The following KATNIP variants were observed in gnomAD, a reference collection of about 807,000 sequenced individuals.
KATNIP encodes katanin interacting protein.
In KATNIP, 126 loss-of-function variants were observed where a neutral mutation model predicts 174.0. The observed-to-expected ratio is 0.72, with a 90% CI of 0.63 to 0.84. The LOEUF (loss-of-function observed/expected upper bound fraction) is 0.84. KATNIP is among the 40% of genes least tolerant of loss of function. The pLI is 0.00. For missense variants in KATNIP, 1,958 were observed against 2,109.7 expected, an observed-to-expected ratio of 0.93 and a Z score of 1.41; for synonymous variants, 810 against 835.7, an observed-to-expected ratio of 0.97 and a Z score of 0.53.
At chr16:27,752,505 A>C (rs2081558503) in intron 17 of KATNIP, among the ~76,000 whole-genome samples, 1 of 152,226 alleles carries the variant, frequency 6.6e-6, no homozygotes, top group Non-Finnish European at 1.5e-5. Flanking sequence ...GTAGAACTTG[A>C]ATGCGTGATT....
intron 24 of KATNIP, among the ~76,000 whole-genome samples, chr16:27,775,486 C>T (rs1018419387): frequency 6.6e-6 from 1 of 152,242 alleles, no homozygotes; most frequent in Non-Finnish European, 1.5e-5. Flanking sequence ...CCCCTTCCTA[C>T]ATCACCAGGT....
chr16:27,605,903 G>T (rs190259162), intron 2 of KATNIP, among the ~76,000 whole-genome samples: 1 of 152,280 alleles, frequency 6.6e-6, no homozygotes, highest in East Asian at 1.9e-4. Flanking sequence ...GCCAAGGAGG[G>T]TGGATCACTT....
chr16:27,618,549 A>T, intron 3 of KATNIP, 48 bp downstream of exon 3: 1 of 1,356,440 alleles, frequency 7.4e-7, no homozygotes, highest in Non-Finnish European at 1.1e-6. Context: ...CGAAGTAAAA[A>T]TCTATTTAGA....
intron 15 of KATNIP, among the ~76,000 whole-genome samples, chr16:27,741,307 C>T (rs2081099622): frequency 1.3e-5 from 2 of 152,076 alleles, no homozygotes; most frequent in Admixed American, 1.3e-4. Flanking sequence ...GGTACAGTGG[C>T]CAGGCCTGTA....
At chr16:27,620,290 A>G (rs1005734439) in intron 3 of KATNIP, among the ~76,000 whole-genome samples, 3 of 152,218 alleles carry the variant, frequency 2.0e-5, no homozygotes, top group Non-Finnish European at 2.9e-5. Flanking sequence ...CTTGTGAAGA[A>G]TGGGAATCCC....
chr16:27,689,831 C>T (rs896655945), intron 8 of KATNIP, among the ~76,000 whole-genome samples: 6 of 152,184 alleles, frequency 3.9e-5, no homozygotes, highest in Non-Finnish European at 5.9e-5. Context: ...GCCTTACTCA[C>T]ATGTCTGGCA....
At chr16:27,766,277 GC>G (rs1567420674) in intron 19 of KATNIP, 31 bp from the exon 20 acceptor site, 1 of 1,608,614 alleles carries the variant, frequency 6.2e-7, no homozygotes, top group African/African-American at 1.3e-5. Flanking sequence ...CCACTGAGCC[GC>G]CCCCCTGCCG....
intron 19 of KATNIP, among the ~76,000 whole-genome samples, chr16:27,763,299 AAAATAAAAAAT>A (rs1287807588): frequency 2.6e-5 from 4 of 151,032 alleles, no homozygotes; most frequent in Non-Finnish European, 5.9e-5. Flanking sequence ...AAAAAAATAA[AAAATAAAAAAT>A]AAATAAAAAA....
At chr16:27,774,611 C>G (rs1464877166) in intron 23 of KATNIP, among the ~76,000 whole-genome samples, 1 of 152,168 alleles carries the variant, frequency 6.6e-6, no homozygotes, top group African/African-American at 2.4e-5. Context: ...AGAAAACCTC[C>G]GCAGAGCTTG....
Position 27,766,318 on chromosome 16 carries a change from T to C in KATNIP, c.3819T>C (p.Asp1273=), listed in dbSNP as rs767805076. Residue 1273 remains aspartate (D), a synonymous_variant, in exon 20 of 28, where the codon GAT becomes GAC. Coordinates refer to ENST00000261588, the MANE Select transcript of KATNIP (RefSeq NM_015202.5). The part of the protein sequence containing the change: ...DDSRALDKLI[D]GTNITMEDEH... ...GTCCCCATTGCTGCAGGTTAATTGATGGCACCAACATCACCATGGAGGATG... is the reference window on the plus strand; with the variant it reads ...GTCCCCATTGCTGCAGGTTAATTGACGGCACCAACATCACCATGGAGGATG... 1.2e-6 allele frequency: 2 copies of C among 1,614,024 alleles called. No individual in the cohort carries two copies. Among genetic ancestry groups the C allele is most frequent in the South Asian group, 1.1e-5 (1 of 91,094 alleles).
At chr16:27,614,060 C>T (rs1166676659) in intron 2 of KATNIP, among the ~76,000 whole-genome samples, 1 of 151,982 alleles carries the variant, frequency 6.6e-6, no homozygotes, top group Non-Finnish European at 1.5e-5. Flanking sequence ...GGACTACAGG[C>T]TTGCACCACC....
intron 14 of KATNIP, among the ~76,000 whole-genome samples, 174 bp downstream of exon 14, chr16:27,721,869 GA>G (rs1166584894): frequency 6.6e-6 from 1 of 152,210 alleles, no homozygotes; most frequent in Non-Finnish European, 1.5e-5. Context: ...AGCCCCCAGG[GA>G]CAGAGCTTCC....
At chr16:27,724,597 C>G (rs116158621) in intron 14 of KATNIP, among the ~76,000 whole-genome samples, 2,598 of 152,232 alleles carry the variant, frequency 0.017, 82 homozygotes, top group African/African-American at 0.059. Flanking sequence ...TTTCCACACC[C>G]AGGGTGGAGT....
At chr16:27,691,501 A>G (rs1228576963) in intron 8 of KATNIP, among the ~76,000 whole-genome samples, 3 of 152,196 alleles carry the variant, frequency 2.0e-5, no homozygotes, top group Non-Finnish European at 4.4e-5. Context: ...TATTCAGGCT[A>G]GCATTCGCCC....
chr16:27,552,296 C>A (rs995349013), intron 1 of KATNIP, among the ~76,000 whole-genome samples: 9 of 151,484 alleles, frequency 5.9e-5, no homozygotes, highest in Admixed American at 5.9e-4. Flanking sequence ...CAGAGAGAAA[C>A]ATTTTAATTG....
At chr16:27,617,584 A>G (rs142801083) in intron 2 of KATNIP, among the ~76,000 whole-genome samples, 117 of 152,318 alleles carry the variant, frequency 7.7e-4, no homozygotes, top group Middle Eastern at 3.4e-3. Context: ...CAGTTCCCCA[A>G]AGGAAACCCA....
At chr16:27,727,172 G>GA (rs1050994098) in intron 14 of KATNIP, 3 of 191,040 alleles carry the variant, frequency 1.6e-5, no homozygotes, top group African/African-American at 7.1e-5. Context: ...GATGTGATCT[G>GA]ATGGAGGATG....
rs569173241 is a variant in KATNIP, at chr16:27,748,854, A to G, written c.2624-730A>G. Reference sequence around the variant, plus strand: ...AATTTAAAAAAATCAAGCTACAAAGAAGAAAATAAAAGTCCTTCCTGCTCC... The same window carrying G: ...AATTTAAAAAAATCAAGCTACAAAGGAGAAAATAAAAGTCCTTCCTGCTCC... On this transcript the variant is annotated intron_variant, in intron 15 of 27. Coordinates refer to ENST00000261588, the MANE Select transcript of KATNIP (RefSeq NM_015202.5). Among the ~76,000 whole-genome samples, 265 of 152,302 alleles carry G rather than the reference A, an allele frequency of 1.7e-3. 1 individual carries two copies. The highest frequency in any genetic ancestry group is 6.8e-3 in the Middle Eastern group (2 of 294).
intron 1 of KATNIP, among the ~76,000 whole-genome samples, chr16:27,557,541 T>C (rs2089681471): frequency 6.6e-6 from 1 of 151,368 alleles, no homozygotes; most frequent in African/African-American, 2.4e-5. Flanking sequence ...GATCGTCCCA[T>C]GTCAGCTGTC....
Sources: gnomAD v4.1 joint callset for allele counts (sites outside exome capture counted in the v4.1 genomes callset) on GRCh38, gnomAD v4.1.1 for gene constraint, MANE v1.5 for transcripts, NCBI Gene and HGNC (gene_info 2026-07-23, HGNC 2026-07-21) for gene names.